The following ZNG1A variants were observed in gnomAD, a reference collection of about 807,000 sequenced individuals.
ZNG1A encodes the protein Zn regulated GTPase metalloprotein activator 1A.
chr9:145,551 G>C, the ZNG1A span, among the ~76,000 whole-genome samples: 20 of 110,730 alleles, frequency 1.8e-4, no homozygotes, highest in African/African-American at 6.4e-4. Flanking sequence ...ACTGTTGTGG[G>C]GTGGGGGGAG....
the ZNG1A span, among the ~76,000 whole-genome samples, chr9:155,963 A>T: frequency 2.1e-4 from 31 of 150,168 alleles, no homozygotes; most frequent in African/African-American, 6.9e-4. Context: ...AAAAATAAAA[A>T]TAAAAAAATA....
the ZNG1A span, among the ~76,000 whole-genome samples, chr9:139,715 G>C: frequency 6.5e-4 from 99 of 151,792 alleles, no homozygotes; most frequent in African/African-American, 2.3e-3. Flanking sequence ...GAGAGACGCA[G>C]AAGACAGGCG....
chr9:139,040 A>G, the ZNG1A span, among the ~76,000 whole-genome samples: 1 of 149,506 alleles, frequency 6.7e-6, no homozygotes, highest in African/African-American at 2.5e-5. Context: ...CATTTTCATG[A>G]TCTTCTATGG....
chr9:165,339 T>C, the ZNG1A span, among the ~76,000 whole-genome samples: 7 of 150,904 alleles, frequency 4.6e-5, 1 homozygote, highest in East Asian at 1.4e-3. Flanking sequence ...TTTATTCCAA[T>C]AAATAGTTTA....
the ZNG1A span, chr9:148,144 A>C: frequency 8.4e-6 from 1 of 118,750 alleles, no homozygotes; most frequent in African/African-American, 3.1e-5. Context: ...AATAGCTTAA[A>C]GTTTAATAAA....
chr9:153,228 G>A, the ZNG1A span: 1 of 151,758 alleles, frequency 6.6e-6, no homozygotes, highest in Non-Finnish European at 1.5e-5. Context: ...CAATCACAAT[G>A]GTGCACAAGA....
chr9:137,587 AAAG>A, the ZNG1A span, among the ~76,000 whole-genome samples: 3 of 151,918 alleles, frequency 2.0e-5, no homozygotes, highest in African/African-American at 7.3e-5. Context: ...CTTGAAGTAA[AAAG>A]AAGAAAAGGA....
the ZNG1A span, chr9:166,362 T>C: frequency 1.7e-4 from 26 of 148,752 alleles, no homozygotes; most frequent in African/African-American, 6.6e-4. Flanking sequence ...AAAACAAACT[T>C]GGGTAAGGAG....
chr9:172,274 C>A, the ZNG1A span: 1 of 1,459,776 alleles, frequency 6.9e-7, no homozygotes, highest in Non-Finnish European at 9.4e-7. Flanking sequence ...GACAAAAGTA[C>A]CCTTGGGAAT....
chr9:155,151 G>A, the ZNG1A span, among the ~76,000 whole-genome samples: 2 of 151,330 alleles, frequency 1.3e-5, no homozygotes, highest in East Asian at 1.9e-4. Flanking sequence ...TCTTTGTGAA[G>A]AAAAGCATAA....
At chr9:159,923 C>G in the ZNG1A span, 4 of 364,016 alleles carry the variant, frequency 1.1e-5, no homozygotes, top group African/African-American at 8.7e-5. Context: ...CTTTTCCAAG[C>G]TAACTGTTTT....
the ZNG1A span, among the ~76,000 whole-genome samples, chr9:132,559 C>T: frequency 1.2e-5 from 1 of 83,686 alleles, no homozygotes; most frequent in African/African-American, 5.1e-5. Flanking sequence ...AAAACAAAAA[C>T]AAAAACAAAA....
the ZNG1A span, among the ~76,000 whole-genome samples, chr9:157,905 T>C: frequency 2.0e-5 from 3 of 151,706 alleles, no homozygotes; most frequent in African/African-American, 7.3e-5. Context: ...GAAGAAACAT[T>C]TTTTCCTTCT....
the ZNG1A span, among the ~76,000 whole-genome samples, chr9:158,874 T>A: frequency 6.6e-6 from 1 of 152,150 alleles, no homozygotes; most frequent in Non-Finnish European, 1.5e-5. Flanking sequence ...ATTTATTTTC[T>A]TTAGATATCA....
chr9:170,291 A>C, the ZNG1A span, among the ~76,000 whole-genome samples: 1 of 151,390 alleles, frequency 6.6e-6, no homozygotes, highest in Non-Finnish European at 1.5e-5. Flanking sequence ...CATACTACCA[A>C]GTAGCACTGG....
chr9:157,821 G>A, the ZNG1A span, among the ~76,000 whole-genome samples: 4 of 150,060 alleles, frequency 2.7e-5, no homozygotes, highest in Non-Finnish European at 5.9e-5. Flanking sequence ...ATGATCATTA[G>A]GGGTATCTGA....
At chr9:175,228 A>C in the ZNG1A span, among the ~76,000 whole-genome samples, 1 of 152,106 alleles carries the variant, frequency 6.6e-6, no homozygotes, top group Non-Finnish European at 1.5e-5. Flanking sequence ...AAATACAAAA[A>C]TTATCTGGGC....
At chr9:166,201 G>T in the ZNG1A span, 3 of 125,748 alleles carry the variant, frequency 2.4e-5, no homozygotes, top group South Asian at 6.1e-4. Context: ...TTCATAAGCA[G>T]TTGGGCAGAC....
chr9:145,795 T>A, the ZNG1A span, among the ~76,000 whole-genome samples: 3 of 152,018 alleles, frequency 2.0e-5, no homozygotes, highest in South Asian at 6.2e-4. Context: ...AAGCTAAAAT[T>A]TTCTATGTAT....
Sources: gnomAD v4.1 joint callset for allele counts (sites outside exome capture counted in the v4.1 genomes callset) on GRCh38, gnomAD v4.1.1 for gene constraint, MANE v1.5 for transcripts, NCBI Gene and HGNC (gene_info 2026-07-23, HGNC 2026-07-21) for gene names.